The following USP46 variants were observed in gnomAD, a reference collection of about 807,000 sequenced individuals.
The protein encoded by USP46 is ubiquitin carboxyl-terminal hydrolase 46.
A neutral mutation model predicts 44.4 loss-of-function variants in USP46; 12 were observed. The ratio of observed to expected loss-of-function variants is 0.27; its 90% confidence interval spans 0.17 to 0.44. The LOEUF is 0.44. Among genes scored for constraint, USP46 ranks in the 20% least tolerant of loss-of-function variants. The pLI, the probability that USP46 is intolerant of heterozygous loss-of-function variation, is 1.00. For synonymous variants in USP46, 155 were observed against 161.5 expected, an observed-to-expected ratio of 0.96 and a Z score of 0.31; for missense variants, 248 against 444.8, an observed-to-expected ratio of 0.56 and a Z score of 3.98.
At chr4:52,658,488 C>T (rs1353540782) in intron 1 of USP46, among the ~76,000 whole-genome samples, 1 of 152,172 alleles carries the variant, frequency 6.6e-6, no homozygotes, top group Non-Finnish European at 1.5e-5. Context: ...GCAAATATTA[C>T]CGCCACAGAG....
Position 52,593,034 on chromosome 4 carries a change from C to A in USP46, c.*4606G>T, listed in dbSNP as rs551207270. On this transcript the variant is annotated 3_prime_UTR_variant, in exon 9 of 9. Transcript: ENST00000441222. ...ACCTCTTTTCTTCAGAAATGACCCA[C>A]GCTCAGGTATGTCTTTATAGCACTG... is the stretch of plus-strand genomic sequence containing the variant. 2.1e-4 allele frequency: 84 copies of A among 397,868 alleles called. No homozygotes were observed. Among genetic ancestry groups the A allele is most frequent in the Non-Finnish European group, 3.6e-4 (81 of 225,850 alleles). The allele number at this position is 397,868 out of a possible 1,614,324, so 24.6% of individuals were successfully genotyped here.
At position 52,631,148 on chromosome 4, in the gene USP46, A is replaced by C; in HGVS notation, c.37-4T>G. 1 of 1,551,326 alleles carries C rather than the reference A, an allele frequency of 6.4e-7. No homozygotes were observed. Among genetic ancestry groups the C allele is most frequent in the South Asian group, 1.2e-5 (1 of 83,638 alleles). ...CCAGAGCAGAGGCATTGGTGCCCTA[A>C]AAGAGAAAAATAGCAAAAGTTCTGT... On this transcript the variant is annotated splice_polypyrimidine_tract_variant and splice_region_variant and intron_variant, in intron 1 of 8. Transcript: ENST00000441222.
chr4:52,647,840 A>G (rs1408915552), intron 1 of USP46, among the ~76,000 whole-genome samples: 10 of 152,172 alleles, frequency 6.6e-5, no homozygotes, highest in Admixed American at 5.9e-4. Context: ...GGCCTCAGTG[A>G]CCTGCCCAAC....
chr4:52,598,810 T>G (rs368947495), intron 7 of USP46, 104 bp from the exon 8 acceptor site: 60 of 1,090,934 alleles, frequency 5.5e-5, no homozygotes, highest in South Asian at 4.8e-4. Context: ...AAAAAAACTA[T>G]GTCATCAGCG....
In USP46 at chr4:52,631,067, G is replaced by T; in HGVS notation, c.114C>A (p.Val38=). The T allele has an allele frequency of 6.4e-7, 1 of 1,562,340 alleles. No homozygotes were observed. Among genetic ancestry groups the T allele is most frequent in the South Asian group, 1.2e-5 (1 of 84,806 alleles). ...ATAATACATTTTACATACTTACATTGACCAATCCGAAATAGTGTTCATTGA... is the reference window on the plus strand; with the variant it reads ...ATAATACATTTTACATACTTACATTTACCAATCCGAAATAGTGTTCATTGA... ...FPINEHYFGL[V]NFGNTCYCNS... Residue 38 remains valine, a synonymous_variant, in exon 2 of 9, where the codon GTC becomes GTA. Coordinates refer to ENST00000441222, the MANE Select transcript of USP46 (RefSeq NM_022832.4).
intron 1 of USP46, among the ~76,000 whole-genome samples, chr4:52,632,940 GAA>G (rs1203345125): frequency 8.2e-5 from 5 of 60,700 alleles, no homozygotes; most frequent in African/African-American, 3.4e-4. Context: ...AAGAAAGAAA[GAA>G]AGAAAGAAAG....
At chr4:52,601,812 A>G in intron 7 of USP46, 45 bp downstream of exon 7, 1 of 1,568,886 alleles carries the variant, frequency 6.4e-7, no homozygotes, top group Non-Finnish European at 8.6e-7. Flanking sequence ...CGAAGAGGCA[A>G]CCCTTACACT....
intron 1 of USP46, among the ~76,000 whole-genome samples, chr4:52,655,989 C>A (rs938151376): frequency 6.6e-6 from 1 of 152,208 alleles, no homozygotes; most frequent in Non-Finnish European, 1.5e-5. Context: ...CACGAAGTAT[C>A]TGCTACAAAT....
At position 52,621,255 on chromosome 4, in the gene USP46, C is replaced by CA. The variant is rs368374500; in HGVS notation, c.561+4762dup. ...CCAATCTCAGCAATAAATATAGTGG[C>CA]AAAAAAATCCTAAAAATCGTAGATC... On this transcript the variant is annotated intron_variant, in intron 4 of 8. Transcript: ENST00000441222. 2.8e-4 allele frequency among the ~76,000 whole-genome samples: 43 copies of CA among 151,878 alleles called. No homozygotes were observed. In the Middle Eastern group the frequency reaches 0.01, roughly 36 times the overall value.
chr4:52,654,768 G>A (rs1408034621), intron 1 of USP46, among the ~76,000 whole-genome samples: 1 of 152,174 alleles, frequency 6.6e-6, no homozygotes, highest in Non-Finnish European at 1.5e-5. Context: ...CTGTTCTACA[G>A]ACGCTAAAAT....
At chr4:52,629,288 C>A (rs1415478765) in intron 2 of USP46, among the ~76,000 whole-genome samples, 1 of 152,146 alleles carries the variant, frequency 6.6e-6, no homozygotes, top group Non-Finnish European at 1.5e-5. Flanking sequence ...AGGAGACAAA[C>A]CTCTTTGTAC....
intron 1 of USP46, among the ~76,000 whole-genome samples, chr4:52,658,591 C>G (rs1577706188): frequency 1.3e-5 from 2 of 152,234 alleles, no homozygotes; most frequent in East Asian, 1.9e-4. Flanking sequence ...TCTCCAGCCA[C>G]AATTTTGCAC....
At chr4:52,654,254 A>G (rs565501113) in intron 1 of USP46, among the ~76,000 whole-genome samples, 3 of 152,328 alleles carry the variant, frequency 2.0e-5, no homozygotes, top group African/African-American at 7.2e-5. Context: ...ATATGACTTT[A>G]CACCTAGCTG....
At chr4:52,613,381 A>C (rs561599140) in intron 4 of USP46, among the ~76,000 whole-genome samples, 1 of 152,330 alleles carries the variant, frequency 6.6e-6, no homozygotes, top group East Asian at 1.9e-4. Flanking sequence ...GGTCCAACCA[A>C]GATAAGTGCC....
intron 3 of USP46, among the ~76,000 whole-genome samples, chr4:52,627,288 C>T (rs1170650309): frequency 6.6e-6 from 1 of 152,278 alleles, no homozygotes; most frequent in African/African-American, 2.4e-5. Flanking sequence ...TAACCATGCA[C>T]GTCTGATGAA....
chr4:52,643,094 C>T (rs1415194539), intron 1 of USP46, among the ~76,000 whole-genome samples: 1 of 152,128 alleles, frequency 6.6e-6, no homozygotes, highest in Admixed American at 6.5e-5. Flanking sequence ...TTATTTTAAT[C>T]CAAAGAAAGC....
At chr4:52,633,531 T>C (rs967967412) in intron 1 of USP46, among the ~76,000 whole-genome samples, 4 of 152,168 alleles carry the variant, frequency 2.6e-5, no homozygotes, top group Non-Finnish European at 5.9e-5. Flanking sequence ...ATCTCAAGCA[T>C]AAATCAATGT....
At chr4:52,607,085 A>G (rs1294008049) in intron 5 of USP46, among the ~76,000 whole-genome samples, 2 of 152,188 alleles carry the variant, frequency 1.3e-5, no homozygotes, top group Non-Finnish European at 2.9e-5. Flanking sequence ...TAGCCAAAGA[A>G]AGGCCAGCAA....
intron 1 of USP46, among the ~76,000 whole-genome samples, chr4:52,644,905 A>G (rs1011779035): frequency 6.6e-6 from 1 of 152,090 alleles, no homozygotes; most frequent in African/African-American, 2.4e-5. Context: ...AAAATACAAA[A>G]AATTAGCCGG....
Sources: gnomAD v4.1 joint callset for allele counts (sites outside exome capture counted in the v4.1 genomes callset) on GRCh38, gnomAD v4.1.1 for gene constraint, MANE v1.5 for transcripts, NCBI Gene and HGNC (gene_info 2026-07-23, HGNC 2026-07-21) for gene names.